The following PIK3R3 variants were observed in gnomAD, a reference collection of about 807,000 sequenced individuals.
PIK3R3 encodes phosphatidylinositol 3-kinase regulatory subunit gamma.
A neutral mutation model predicts 62.9 loss-of-function variants in PIK3R3; 64 were observed. That is an observed-to-expected ratio of 1.02 (90% CI 0.83 to 1.25). PIK3R3 has a LOEUF of 1.25. Among genes scored for constraint, PIK3R3 ranks in the 50% most tolerant of loss-of-function variants. The pLI, the probability that PIK3R3 is intolerant of heterozygous loss-of-function variation, is 0.00. For missense variants in PIK3R3, 614 were observed against 561.6 expected, an observed-to-expected ratio of 1.09 and a Z score of -0.94; for synonymous variants, 165 against 189.0, an observed-to-expected ratio of 0.87 and a Z score of 1.04.
chr1:46,134,310 C>G (rs1212375796), upstream of PIK3R3, among the ~76,000 whole-genome samples: 1 of 152,132 alleles, frequency 6.6e-6, no homozygotes, highest in Non-Finnish European at 1.5e-5. Flanking sequence ...CTTAAAGATG[C>G]CCTGAGTTGA....
intron 1 of PIK3R3, among the ~76,000 whole-genome samples, chr1:46,129,028 G>T (rs989797093): frequency 1.3e-5 from 2 of 151,564 alleles, no homozygotes; most frequent in South Asian, 4.2e-4. Flanking sequence ...CCAAGATGGC[G>T]CCACTGCACT....
At chr1:46,106,778 C>A (rs1300159244) in intron 1 of PIK3R3, among the ~76,000 whole-genome samples, 7 of 151,710 alleles carry the variant, frequency 4.6e-5, no homozygotes, top group East Asian at 2.0e-4. Flanking sequence ...TTGCCTTAGT[C>A]TTTTTTTTCT....
chr1:46,057,564 G>C (rs1648048010), intron 6 of PIK3R3: 2 of 152,312 alleles, frequency 1.3e-5, no homozygotes, highest in East Asian at 1.9e-4. Flanking sequence ...GGACAATAAG[G>C]TCCAGGCTGA....
chr1:46,105,502 T>TCAAAA (rs1653118210), intron 1 of PIK3R3, among the ~76,000 whole-genome samples: 2 of 149,738 alleles, frequency 1.3e-5, no homozygotes, highest in East Asian at 2.0e-4. Context: ...AGACTCTGTC[T>TCAAAA]CAAAACAAAA....
intron 7 of PIK3R3, among the ~76,000 whole-genome samples, chr1:46,053,226 C>T (rs1235928240): frequency 6.6e-6 from 1 of 152,060 alleles, no homozygotes; most frequent in African/African-American, 2.4e-5. Flanking sequence ...ATGATGTTAT[C>T]TAAACTCTTA....
chr1:46,133,505 C>T (rs1051878630), upstream of PIK3R3, among the ~76,000 whole-genome samples: 1 of 152,238 alleles, frequency 6.6e-6, no homozygotes, highest in Non-Finnish European at 1.5e-5. Context: ...TTCCTACAGA[C>T]CTCTTCACCT....
chr1:46,093,348 T>C (rs917606276), intron 1 of PIK3R3, among the ~76,000 whole-genome samples: 8 of 152,196 alleles, frequency 5.3e-5, no homozygotes, highest in Non-Finnish European at 1.2e-4. Context: ...TAGTTACTCA[T>C]TTTGGTCAAT....
intron 1 of PIK3R3, among the ~76,000 whole-genome samples, chr1:46,084,071 A>C (rs1054327100): frequency 3.3e-5 from 5 of 152,252 alleles, no homozygotes; most frequent in African/African-American, 1.2e-4. Flanking sequence ...TATCCATACA[A>C]TAGATTATTC....
At chr1:46,076,259 A>G (rs1244312381) in intron 3 of PIK3R3, among the ~76,000 whole-genome samples, 3 of 152,244 alleles carry the variant, frequency 2.0e-5, no homozygotes, top group Non-Finnish European at 4.4e-5. Flanking sequence ...TACAGAGAAG[A>G]AAAAGAGGCC....
chr1:46,056,052 C>CA, intron 6 of PIK3R3, 81 bp from the exon 7 acceptor site: 1 of 692,120 alleles, frequency 1.4e-6, no homozygotes, highest in Non-Finnish European at 2.2e-6. Context: ...TCCTAATATC[C>CA]TTTTTTTTTT....
chr1:46,078,725 T>C (rs1650304234), intron 2 of PIK3R3, among the ~76,000 whole-genome samples: 1 of 152,064 alleles, frequency 6.6e-6, no homozygotes, highest in Non-Finnish European at 1.5e-5. Context: ...CAGCCATAAA[T>C]TAGAAACAAT....
At chr1:46,122,619 C>T (rs1044800378) in intron 1 of PIK3R3, among the ~76,000 whole-genome samples, 10 of 152,246 alleles carry the variant, frequency 6.6e-5, no homozygotes, top group Middle Eastern at 3.4e-3. Context: ...CCACCCACCT[C>T]GGCACCTCAA....
chr1:46,162,285 C>A, the PIK3R3 span, among the ~76,000 whole-genome samples: 1 of 151,882 alleles, frequency 6.6e-6, no homozygotes, highest in Admixed American at 6.6e-5. Flanking sequence ...GAGTTAGAGA[C>A]CAGCCTGGAC....
Position 46,045,644 on chromosome 1 carries a change from T to TTTTTTTTTTTTTTTTC in PIK3R3, c.1187+273_1187+274insGAAAAAAAAAAAAAAA, listed in dbSNP as rs370501368. On this transcript the variant is annotated intron_variant, in intron 9 of 9. Coordinates refer to ENST00000262741, the MANE Select transcript of PIK3R3 (RefSeq NM_003629.4). ...TTTTTTTTTTTTTTTTTTTTTTTTT[T>TTTTTTTTTTTTTTTTC]CAATTTAAGATCTCACATTACCTTT... Among the ~76,000 whole-genome samples, 46 of 82,678 alleles carry TTTTTTTTTTTTTTTTC rather than the reference T, an allele frequency of 5.6e-4. 15 individuals carry two copies. Among genetic ancestry groups the TTTTTTTTTTTTTTTTC allele is most frequent in the African/African-American group, 1.2e-3 (25 of 21,284 alleles). 54.2% of individuals were successfully genotyped at this position (82,678 alleles called of 152,430 possible).
At chr1:46,078,144 G>A (rs2149410773) in intron 2 of PIK3R3, among the ~76,000 whole-genome samples, 1 of 151,914 alleles carries the variant, frequency 6.6e-6, no homozygotes. Flanking sequence ...GAAATGGCAG[G>A]GCATAAAAGA....
chr1:46,089,969 T>TAGGG (rs1651459428), intron 1 of PIK3R3, among the ~76,000 whole-genome samples: 1 of 151,874 alleles, frequency 6.6e-6, no homozygotes, highest in African/African-American at 2.4e-5. Context: ...TTACAAAAAA[T>TAGGG]AGGGAGGTAA....
chr1:46,136,288 G>A (rs1655929712), upstream of PIK3R3, among the ~76,000 whole-genome samples: 2 of 151,964 alleles, frequency 1.3e-5, no homozygotes, highest in Non-Finnish European at 2.9e-5. Context: ...GATTTTTAGG[G>A]CCTCCCCAGA....
Position 46,118,643 on chromosome 1 carries a change from C to T in PIK3R3, c.106+13204G>A, listed in dbSNP as rs140609111. On this transcript the variant is annotated intron_variant, in intron 1 of 9. Coordinates refer to ENST00000262741, the MANE Select transcript of PIK3R3 (RefSeq NM_003629.4). Reference sequence around the variant, plus strand: ...CGATCTCAGCTCACTGCAACCTCTGCCTCCCGGGTTCAAGCGATTCTGCTG... The same window carrying T: ...CGATCTCAGCTCACTGCAACCTCTGTCTCCCGGGTTCAAGCGATTCTGCTG... Among the ~76,000 whole-genome samples, 299 of 151,232 alleles carry T rather than the reference C, an allele frequency of 2.0e-3. 1 individual carries two copies. Among genetic ancestry groups the T allele is most frequent in the African/African-American group, 7.2e-3 (296 of 41,142 alleles).
At chr1:46,160,315 T>C in the PIK3R3 span, among the ~76,000 whole-genome samples, 1 of 152,198 alleles carries the variant, frequency 6.6e-6, no homozygotes, top group East Asian at 1.9e-4. Flanking sequence ...GGTCTGTGTA[T>C]AAAACATGGA....
Sources: allele counts gnomAD v4.1 joint callset (sites outside exome capture counted in the v4.1 genomes callset), GRCh38; gene constraint gnomAD v4.1.1; transcripts MANE v1.5; gene names NCBI Gene and HGNC (gene_info 2026-07-23, HGNC 2026-07-21).